CMSS1: variants seen among roughly 807,000 people sequenced by gnomAD.
CMSS1 encodes protein CMSS1.
A neutral mutation model predicts 43.5 loss-of-function variants in CMSS1; 33 were observed. The ratio of observed to expected loss-of-function variants is 0.76; its 90% CI spans 0.57 to 1.01. The LOEUF (loss-of-function observed/expected upper bound fraction) is 1.01. Ranked by LOEUF, CMSS1 falls within the 50% of genes least tolerant of loss-of-function variation. CMSS1 has a pLI of 0.00. For missense variants in CMSS1, 313 were observed against 326.4 expected, an observed-to-expected ratio of 0.96 and a Z score of 0.32; for synonymous variants, 115 against 117.2, an observed-to-expected ratio of 0.98 and a Z score of 0.12.
At chr3:99,962,035 A>G (rs557124551) in intron 1 of CMSS1, among the ~76,000 whole-genome samples, 1 of 152,210 alleles carries the variant, frequency 6.6e-6, no homozygotes, top group South Asian at 2.1e-4. Flanking sequence ...TGTCGGGGAA[A>G]TTTTTCTGCA....
chr3:100,018,666 T>C (rs529932241), intron 1 of CMSS1, among the ~76,000 whole-genome samples: 1 of 145,298 alleles, frequency 6.9e-6, no homozygotes, highest in East Asian at 2.0e-4. Flanking sequence ...GGATATGATA[T>C]CAAAGCACAG....
At chr3:99,932,087 A>C (rs1267991237) in intron 1 of CMSS1, among the ~76,000 whole-genome samples, 1 of 152,198 alleles carries the variant, frequency 6.6e-6, no homozygotes, top group Non-Finnish European at 1.5e-5. Flanking sequence ...AAATTTATAA[A>C]ATTTTAATAA....
chr3:99,983,460 G>GTGTATATATATATATATATATATATATA (rs1348562068), intron 1 of CMSS1, among the ~76,000 whole-genome samples: 3 of 69,492 alleles, frequency 4.3e-5, no homozygotes. Context: ...ATATATATAT[G>GTGTATATATATATATATATATATATATA]TGTGTATATA....
At chr3:100,070,524 T>C (rs1446880317) in intron 1 of CMSS1, among the ~76,000 whole-genome samples, 1 of 152,228 alleles carries the variant, frequency 6.6e-6, no homozygotes, top group African/African-American at 2.4e-5. Flanking sequence ...AGATAAACCT[T>C]GTGCCAATTT....
intron 1 of CMSS1, among the ~76,000 whole-genome samples, chr3:100,133,493 T>C (rs902539448): frequency 2.0e-5 from 3 of 151,972 alleles, no homozygotes; most frequent in African/African-American, 7.2e-5. Context: ...TTTCTAAAAA[T>C]CTCCACAATG....
At chr3:100,160,065 G>A in intron 2 of CMSS1, 2 of 384,846 alleles carry the variant, frequency 5.2e-6, no homozygotes, top group Non-Finnish European at 1.0e-5. Context: ...GTCAAAGACT[G>A]TCTTACCACA....
At chr3:100,177,168 TA>T (rs1297854940) in intron 9 of CMSS1, among the ~76,000 whole-genome samples, 3 of 152,212 alleles carry the variant, frequency 2.0e-5, no homozygotes, top group Non-Finnish European at 4.4e-5. Flanking sequence ...CTGAATGAAT[TA>T]ATTTATCACA....
intron 1 of CMSS1, among the ~76,000 whole-genome samples, chr3:100,055,804 A>G (rs1291330851): frequency 1.3e-5 from 2 of 152,230 alleles, no homozygotes; most frequent in Non-Finnish European, 2.9e-5. Flanking sequence ...ATTTTTTAAT[A>G]TTGTACACAT....
chr3:100,135,445 T>C (rs1006906688), intron 1 of CMSS1, among the ~76,000 whole-genome samples: 1 of 66,380 alleles, frequency 1.5e-5, no homozygotes, highest in African/African-American at 5.6e-5. Flanking sequence ...TGCATGTGTG[T>C]GTGTGTGTGT....
At chr3:100,014,873 TC>T (rs1335471680) in intron 1 of CMSS1, among the ~76,000 whole-genome samples, 11 of 143,422 alleles carry the variant, frequency 7.7e-5, no homozygotes, top group South Asian at 2.3e-4. Context: ...CTTTTTCTTT[TC>T]TTTTTTTTTT....
intron 1 of CMSS1, among the ~76,000 whole-genome samples, chr3:100,141,322 CA>C (rs999682064): frequency 2.0e-5 from 3 of 152,206 alleles, no homozygotes; most frequent in Non-Finnish European, 4.4e-5. Context: ...CCATTAAATT[CA>C]AACTAAATGT....
At chr3:100,103,004 G>A (rs2066335180) in intron 1 of CMSS1, among the ~76,000 whole-genome samples, 1 of 152,230 alleles carries the variant, frequency 6.6e-6, no homozygotes, top group African/African-American at 2.4e-5. Context: ...ACAGGTGCCA[G>A]TGGAGGAAAA....
chr3:100,171,733 A>G (rs1380101756), intron 6 of CMSS1, 106 bp from the exon 7 acceptor site: 1 of 861,372 alleles, frequency 1.2e-6, no homozygotes, highest in Non-Finnish European at 2.0e-6. Flanking sequence ...ATATATACAC[A>G]CGTATGCACA....
intron 1 of CMSS1, among the ~76,000 whole-genome samples, chr3:100,109,233 T>G (rs1184527562): frequency 1.3e-5 from 2 of 152,116 alleles, no homozygotes; most frequent in Middle Eastern, 3.2e-3. Context: ...AAAAAATTTT[T>G]CAATGAAAAT....
intron 1 of CMSS1, chr3:99,848,226 G>A: frequency 6.3e-7 from 1 of 1,582,446 alleles, no homozygotes; most frequent in Non-Finnish European, 8.6e-7. Flanking sequence ...AAAAAGGATT[G>A]AGTTCCTTGC....
chr3:100,098,553 T>C (rs565662243), intron 1 of CMSS1, among the ~76,000 whole-genome samples: 8 of 152,358 alleles, frequency 5.3e-5, no homozygotes, highest in Admixed American at 5.2e-4. Flanking sequence ...TTATTTGTAT[T>C]ATTCATAATT....
At chr3:100,114,765 T>C (rs2066542798) in intron 1 of CMSS1, among the ~76,000 whole-genome samples, 1 of 152,162 alleles carries the variant, frequency 6.6e-6, no homozygotes, top group Admixed American at 6.5e-5. Context: ...GACATTAAAT[T>C]GCACCTCATT....
At chr3:99,987,603 C>T (rs1032571099) in intron 1 of CMSS1, among the ~76,000 whole-genome samples, 1 of 150,390 alleles carries the variant, frequency 6.6e-6, no homozygotes, top group African/African-American at 2.4e-5. Context: ...GGAGTTTGAA[C>T]CCTCTGGCCT....
At chr3:100,142,684 A>G (rs1479210302) in intron 1 of CMSS1, among the ~76,000 whole-genome samples, 2 of 152,180 alleles carry the variant, frequency 1.3e-5, no homozygotes, top group African/African-American at 2.4e-5. Flanking sequence ...ATTTTTAAAC[A>G]TTTATGGGGC....
Sources: allele counts gnomAD v4.1 joint callset (sites outside exome capture counted in the v4.1 genomes callset), GRCh38; gene constraint gnomAD v4.1.1; transcripts MANE v1.5; gene names NCBI Gene and HGNC (gene_info 2026-07-23, HGNC 2026-07-21).